RTN4: variants seen among roughly 807,000 people sequenced by gnomAD.
RTN4 encodes reticulon 4.
A neutral mutation model predicts 90.4 loss-of-function variants in RTN4; 32 were observed. The observed-to-expected ratio is 0.35, with a 90% confidence interval of 0.27 to 0.48. The LOEUF (loss-of-function observed/expected upper bound fraction) is 0.48, where lower values mean the gene tolerates loss of function less well. RTN4 is among the 20% of genes least tolerant of loss of function. The pLI, the probability that RTN4 is intolerant of heterozygous loss-of-function variation, is 0.99. For missense variants in RTN4, 1,706 were observed against 1,430.2 expected (o/e 1.19, Z -3.11); for synonymous variants, 629 against 552.5 (o/e 1.14, Z -1.94).
chr2:55,070,555 A>G (rs1299809078), intron 2 of RTN4, among the ~76,000 whole-genome samples: 4 of 150,964 alleles, frequency 2.6e-5, no homozygotes, highest in African/African-American at 9.7e-5. Flanking sequence ...CAAAAAAAAA[A>G]AAAAAAAAAA....
At chr2:55,110,818 G>C (rs1668025142) in intron 1 of RTN4, among the ~76,000 whole-genome samples, 1 of 152,146 alleles carries the variant, frequency 6.6e-6, no homozygotes, top group Admixed American at 6.5e-5. Context: ...AGGCAGGCAG[G>C]TCGCCTGAGA....
chr2:55,069,966 G>A (rs1167234504), intron 2 of RTN4, among the ~76,000 whole-genome samples: 2 of 152,186 alleles, frequency 1.3e-5, no homozygotes, highest in African/African-American at 2.4e-5. Flanking sequence ...AGCAGCAAAT[G>A]TGGGGTAAAA....
At chr2:55,136,172 C>T in the RTN4 span, among the ~76,000 whole-genome samples, 1 of 151,830 alleles carries the variant, frequency 6.6e-6, no homozygotes, top group Non-Finnish European at 1.5e-5. Context: ...GGTGAGTGGG[C>T]TCAAGCATGT....
intron 2 of RTN4, among the ~76,000 whole-genome samples, chr2:55,064,617 C>G (rs1246847892): frequency 6.6e-6 from 1 of 152,112 alleles, no homozygotes; most frequent in East Asian, 1.9e-4. Context: ...TCCCAAAGTG[C>G]TGGGATTACA....
At chr2:55,085,835 G>A (rs1234779622) in intron 1 of RTN4, among the ~76,000 whole-genome samples, 1 of 152,156 alleles carries the variant, frequency 6.6e-6, no homozygotes, top group Admixed American at 6.5e-5. Context: ...TAATCTCGCT[G>A]CACATTTGTT....
the RTN4 span, among the ~76,000 whole-genome samples, chr2:55,122,067 G>C: frequency 3.3e-3 from 496 of 151,424 alleles, 2 homozygotes; most frequent in African/African-American, 0.011. Context: ...GTGTAATCTT[G>C]GCTCACTGCA....
rs370697228 is a variant in RTN4, at chr2:55,087,888, T to C, written c.-213-7249A>G. Among the ~76,000 whole-genome samples the C allele has an allele frequency of 2.0e-5, 3 of 152,368 alleles. No individual in the cohort carries two copies. The South Asian group carries it at 6.2e-4, about 32-fold the overall frequency. On this transcript the variant is annotated intron_variant, in intron 1 of 3. Transcript: ENST00000427710. Reference sequence around the variant, plus strand: ...GTTTGTTGATTGAATGGGTGTGTAATATCCTAATAACTTTCTTAAATAAGT... The same window carrying C: ...GTTTGTTGATTGAATGGGTGTGTAACATCCTAATAACTTTCTTAAATAAGT...
intron 5 of RTN4, among the ~76,000 whole-genome samples, chr2:54,975,675 G>A (rs1405035666): frequency 1.3e-5 from 2 of 152,174 alleles, no homozygotes; most frequent in Non-Finnish European, 2.9e-5. Context: ...GCTAACCCTT[G>A]ATCTAAAGCA....
chr2:55,025,363 G>A lies in RTN4; in HGVS notation c.2736C>T (p.Cys912=). Residue 912 remains cysteine, a synonymous_variant, in exon 3 of 9, where the codon TGC becomes TGT. Coordinates refer to ENST00000337526, the MANE Select transcript of RTN4 (RefSeq NM_020532.5). ...AAGAAAGGTCATGGGGCAATTCTGT[G>A]CAAGGCAATGACCCAGCTCCATCCG... ...NAPDGAGSLP[C]TELPHDLSLK... The A allele has an allele frequency of 1.2e-6, 2 of 1,613,944 alleles. No homozygotes were observed. Among genetic ancestry groups the A allele is most frequent in the Non-Finnish European group, 1.7e-6 (2 of 1,179,884 alleles).
At chr2:54,982,703 C>A in intron 4 of RTN4, 50 bp from the exon 5 acceptor site, 1 of 1,534,992 alleles carries the variant, frequency 6.5e-7, no homozygotes, top group Non-Finnish European at 8.8e-7. Context: ...TGATTTTCCC[C>A]TAAATGTCAA....
chr2:55,075,904 G>A (rs1221452226), intron 2 of RTN4, among the ~76,000 whole-genome samples: 1 of 152,060 alleles, frequency 6.6e-6, no homozygotes, highest in African/African-American at 2.4e-5. Flanking sequence ...GAATGAAACT[G>A]GATTCTCATA....
At position 55,025,886 on chromosome 2, in the gene RTN4, G is replaced by A. The variant is rs1487959519; in HGVS notation, c.2213C>T (p.Ser738Phe). ...VPDHSELVED[S>F]SPDSEPVDLF... ...GTCAACTGGTTCAGAATCAGGTGAG[G>A]AATCTTCAACTAGCTCAGAATGATC... The change falls in exon 3 of 9, where the codon TCC becomes TTC. Residue 738 changes from serine to phenylalanine, a missense_variant. By Grantham distance (155) the Ser-to-Phe change is radical. Coordinates refer to ENST00000337526, the MANE Select transcript of RTN4 (RefSeq NM_020532.5). The A allele has an allele frequency of 1.2e-6, 2 of 1,613,786 alleles. No homozygotes were observed. Among genetic ancestry groups the A allele is most frequent in the Non-Finnish European group, 1.7e-6 (2 of 1,179,856 alleles).
intron 1 of RTN4, among the ~76,000 whole-genome samples, chr2:55,108,131 T>C (rs12990261): frequency 0.19 from 28,327 of 151,852 alleles, 2,868 homozygotes; most frequent in South Asian, 0.28. Flanking sequence ...ATTTTTGTGT[T>C]TTTAGTAGAC....
At chr2:55,065,244 C>T (rs955702772) in intron 2 of RTN4, among the ~76,000 whole-genome samples, 1 of 152,098 alleles carries the variant, frequency 6.6e-6, no homozygotes, top group African/African-American at 2.4e-5. Context: ...TTATTTATAC[C>T]ACATTTTCTT....
At chr2:55,049,304 A>G (rs931904357) in intron 1 of RTN4, 2 of 333,562 alleles carry the variant, frequency 6.0e-6, no homozygotes, top group Non-Finnish European at 8.6e-6. Context: ...CACCTTTTCC[A>G]AAGGAGCAAC....
intron 3 of RTN4, among the ~76,000 whole-genome samples, chr2:54,995,328 G>C (rs928889699): frequency 6.6e-6 from 1 of 151,864 alleles, no homozygotes; most frequent in African/African-American, 2.4e-5. Flanking sequence ...ATTTAAGAAA[G>C]ATTTTTTAAA....
intron 1 of RTN4, among the ~76,000 whole-genome samples, chr2:55,081,177 G>A (rs373175022): frequency 1.3e-5 from 2 of 152,200 alleles, no homozygotes; most frequent in African/African-American, 4.8e-5. Context: ...TGGGCCAAGT[G>A]ATCCTCCTGC....
At chr2:55,050,902 A>C (rs1668072957), upstream of RTN4, 1 of 152,122 alleles carries the variant, frequency 6.6e-6, no homozygotes, top group South Asian at 2.1e-4. The surrounding 1 kb of genome is among the most constrained non-coding windows in gnomAD (Gnocchi z 4.6). Context: ...GCGCCACCGG[A>C]AGGGCGTTAT....
chr2:55,052,613 G>A (rs1210380031), upstream of RTN4, among the ~76,000 whole-genome samples: 1 of 152,260 alleles, frequency 6.6e-6, no homozygotes, highest in African/African-American at 2.4e-5. Flanking sequence ...GGGGCGGGAA[G>A]TTAATGCCAA....
Sources: gnomAD v4.1 joint callset for allele counts (sites outside exome capture counted in the v4.1 genomes callset) on GRCh38, gnomAD v4.1.1 for gene constraint, Gnocchi (gnomAD v3.1) non-coding constraint, MANE v1.5 for transcripts, NCBI Gene and HGNC (gene_info 2026-07-23, HGNC 2026-07-21) for gene names.